TRPC1: variants seen among roughly 807,000 people sequenced by gnomAD.
TRPC1 encodes short transient receptor potential channel 1.
TRPC1 carries 42 observed loss-of-function variants against 88.2 expected under a neutral mutation model. The observed-to-expected ratio is 0.48, with a 90% CI of 0.37 to 0.62. TRPC1 has a LOEUF of 0.62. Among genes scored for constraint, TRPC1 ranks in the 20% least tolerant of loss-of-function variants. TRPC1 has a pLI of 0.00. For synonymous variants in TRPC1, 288 were observed against 331.8 expected, an observed-to-expected ratio of 0.87 and a Z score of 1.43; for missense variants, 699 against 957.3, an observed-to-expected ratio of 0.73 and a Z score of 3.56.
At chr3:142,758,226 G>A (rs1264329170) in intron 4 of TRPC1, among the ~76,000 whole-genome samples, 3 of 152,014 alleles carry the variant, frequency 2.0e-5, no homozygotes, top group Non-Finnish European at 4.4e-5. Context: ...TCTCCATAGT[G>A]GCTATAATTA....
Position 142,776,799 on chromosome 3 carries a change from A to T in TRPC1, c.633-833A>T, listed in dbSNP as rs960647490. The stretch of plus-strand genomic sequence containing the variant: ...ATGCCTGTAATCCCAGCTACTTGGG[A>T]GGCTGAGGCAGGAGAATCACTTGAA... On this transcript the variant is annotated intron_variant, in intron 4 of 12. Transcript: ENST00000476941. This position sits in a 1 kb window ranked among gnomAD's most constrained non-coding sequence, Gnocchi z 4.1. Among the ~76,000 whole-genome samples the T allele has an allele frequency of 6.6e-6, 1 of 152,026 alleles. No homozygotes were observed. The highest frequency in any genetic ancestry group is 1.5e-5 in the Non-Finnish European group (1 of 68,010).
At chr3:142,769,270 A>G (rs1935497351) in intron 4 of TRPC1, among the ~76,000 whole-genome samples, 2 of 152,206 alleles carry the variant, frequency 1.3e-5, no homozygotes, top group South Asian at 4.1e-4. Flanking sequence ...TCACCTTATA[A>G]AGAACCCTCA....
At chr3:142,726,003 T>C (rs1933657150) in intron 1 of TRPC1, among the ~76,000 whole-genome samples, 1 of 152,186 alleles carries the variant, frequency 6.6e-6, no homozygotes, top group East Asian at 1.9e-4. Context: ...TGGACACAAC[T>C]TTGAGCAGTC....
chr3:142,786,982 G>T (rs1232992125), intron 7 of TRPC1, among the ~76,000 whole-genome samples: 1 of 152,140 alleles, frequency 6.6e-6, no homozygotes, highest in Non-Finnish European at 1.5e-5. Context: ...AAATATTACT[G>T]CTGTCCCCGA....
At chr3:142,796,832 T>C (rs1231074621) in intron 9 of TRPC1, among the ~76,000 whole-genome samples, 2 of 151,992 alleles carry the variant, frequency 1.3e-5, no homozygotes, top group Non-Finnish European at 2.9e-5. Flanking sequence ...TGGAGTGGAT[T>C]GAGGAGGATA....
In TRPC1 at chr3:142,792,422, A is replaced by G. The variant is rs1187027676; in HGVS notation, c.1438-402A>G. On this transcript the variant is annotated intron_variant, in intron 8 of 12. Coordinates refer to ENST00000476941, the MANE Select transcript of TRPC1 (RefSeq NM_001251845.2). This position sits in a 1 kb window ranked among gnomAD's most constrained non-coding sequence, Gnocchi z 4.0. Reference sequence around the variant, plus strand: ...ATTTTGTATTTAAAAGGGGGGAAAAAAACTCTGAATTCCAAGTCAAAGCAG... The same window carrying G: ...ATTTTGTATTTAAAAGGGGGGAAAAGAACTCTGAATTCCAAGTCAAAGCAG... Among the ~76,000 whole-genome samples the G allele has an allele frequency of 6.6e-6, 1 of 151,992 alleles. No individual in the cohort carries two copies. Among genetic ancestry groups the G allele is most frequent in the East Asian group, 1.9e-4 (1 of 5,192 alleles).
chr3:142,791,092 A>G lies in TRPC1; in HGVS notation c.1371A>G (p.Gln457=), dbSNP rs747390646. The change falls in exon 8 of 13, where the codon CAA becomes CAG. Residue 457 remains glutamine (Q), a synonymous_variant. Transcript: ENST00000476941. ...LEDFLEESRN[Q]LSFVMNSLYL... The stretch of plus-strand genomic sequence containing the variant: ...ACTTTTTAGAAGAATCTCGTAATCA[A>G]CTCAGTTTTGTCATGAATTCTCTTT... The G allele has an allele frequency of 6.2e-7, 1 of 1,610,800 alleles. No individual in the cohort carries two copies. The highest frequency in any genetic ancestry group is 1.1e-5 in the South Asian group (1 of 90,406).
At chr3:142,805,169 C>T (rs937395648) in intron 12 of TRPC1, among the ~76,000 whole-genome samples, 5 of 143,866 alleles carry the variant, frequency 3.5e-5, no homozygotes, top group African/African-American at 5.1e-5. Flanking sequence ...CACACACACA[C>T]ATATAATTAT....
At chr3:142,744,123 G>T (rs1206754803) in intron 3 of TRPC1, among the ~76,000 whole-genome samples, 1 of 151,980 alleles carries the variant, frequency 6.6e-6, no homozygotes, top group Non-Finnish European at 1.5e-5. Context: ...CTTAATATTG[G>T]ACAAATTGGT....
At chr3:142,793,388 T>G (rs1331322621) in intron 9 of TRPC1, among the ~76,000 whole-genome samples, 1 of 152,098 alleles carries the variant, frequency 6.6e-6, no homozygotes, top group African/African-American at 2.4e-5. Context: ...TAAGCTGGAT[T>G]TAAAAGAATA....
intron 4 of TRPC1, 101 bp downstream of exon 4, chr3:142,748,561 T>C: frequency 7.7e-7 from 1 of 1,290,778 alleles, no homozygotes; most frequent in Non-Finnish European, 1.1e-6. Context: ...AGAAATGTGA[T>C]GCTGGGGTGA....
rs61563090 is a variant in TRPC1 at position 142,790,896 on chromosome 3, G to GTT, written c.1298-115_1298-114dup. 4,496 of 836,260 alleles carry GTT rather than the reference G, an allele frequency of 5.4e-3. 30 individuals are homozygous for GTT. Among genetic ancestry groups the GTT allele is most frequent in the African/African-American group, 0.041 (2,222 of 54,202 alleles). The allele number at this position is 836,260 out of a possible 1,614,324, so 51.8% of individuals were successfully genotyped here. On this transcript the variant is annotated intron_variant, in intron 7 of 12. Transcript: ENST00000476941. The stretch of plus-strand genomic sequence containing the variant: ...TTTTCACTAAAATGTTTTTGGTTTT[G>GTT]TTTTTTTTTCTTTTGAATAAGGCCC...
intron 4 of TRPC1, among the ~76,000 whole-genome samples, chr3:142,749,459 A>G (rs1410375119): frequency 6.6e-6 from 1 of 152,220 alleles, no homozygotes; most frequent in African/African-American, 2.4e-5. Context: ...CATTGTATTC[A>G]TAGATGACAG....
chr3:142,726,423 T>C (rs1047728547), intron 1 of TRPC1, among the ~76,000 whole-genome samples: 5 of 152,154 alleles, frequency 3.3e-5, no homozygotes. Flanking sequence ...GTGAAATACC[T>C]TGATATTCTT....
chr3:142,725,485 A>T (rs1026387883), intron 1 of TRPC1, among the ~76,000 whole-genome samples: 8 of 152,194 alleles, frequency 5.3e-5, no homozygotes, highest in Non-Finnish European at 1.0e-4. Flanking sequence ...TATGTGGAAT[A>T]TATTTAGCGC....
intron 9 of TRPC1, among the ~76,000 whole-genome samples, chr3:142,797,085 A>C (rs925429141): frequency 6.6e-6 from 1 of 151,292 alleles, no homozygotes; most frequent in Non-Finnish European, 1.5e-5. Context: ...AGAAGTCCTT[A>C]CAAAAGCAAC....
At chr3:142,790,149 C>A (rs368701273) in intron 7 of TRPC1, among the ~76,000 whole-genome samples, 9 of 151,950 alleles carry the variant, frequency 5.9e-5, no homozygotes, top group African/African-American at 2.2e-4. Flanking sequence ...TCAAATGGAT[C>A]TCTGGGTGAG....
intron 4 of TRPC1, among the ~76,000 whole-genome samples, chr3:142,750,347 A>C (rs189064382): frequency 4.8e-4 from 73 of 152,384 alleles, no homozygotes; most frequent in Admixed American, 1.3e-3. Context: ...GAGAAATCCA[A>C]ATCAAAACCA....
At chr3:142,766,091 C>G (rs1935377117) in intron 4 of TRPC1, among the ~76,000 whole-genome samples, 1 of 151,730 alleles carries the variant, frequency 6.6e-6, no homozygotes, top group Admixed American at 6.6e-5. Flanking sequence ...GCTTATGTGT[C>G]TATATTTACA....
Sources: gnomAD v4.1 joint callset for allele counts (sites outside exome capture counted in the v4.1 genomes callset) on GRCh38, gnomAD v4.1.1 for gene constraint, Gnocchi (gnomAD v3.1) non-coding constraint, MANE v1.5 for transcripts, NCBI Gene and HGNC (gene_info 2026-07-23, HGNC 2026-07-21) for gene names.